Variants in SLC25A48 observed in about 807,000 individuals in gnomAD.
SLC25A48 encodes CTC-321K16.1.
A neutral mutation model predicts 32.2 loss-of-function variants in SLC25A48; 29 were observed. That is an observed-to-expected ratio of 0.90 (90% CI 0.67 to 1.23). The LOEUF is 1.23. SLC25A48 is among the 50% of genes most tolerant of loss of function. The pLI, the probability that SLC25A48 is intolerant of heterozygous loss-of-function variation, is 0.00. For synonymous variants in SLC25A48, 164 were observed against 172.3 expected (o/e 0.95, Z 0.38); for missense variants, 399 against 422.7 (o/e 0.94, Z 0.49).
intron 4 of SLC25A48, among the ~76,000 whole-genome samples, chr5:135,866,743 C>T (rs375040465): frequency 4.6e-4 from 70 of 152,352 alleles, no homozygotes; most frequent in South Asian, 4.1e-3. Context: ...GTGTGCTGGC[C>T]GGGACTGAGC....
chr5:135,801,897 C>A (rs1441930703), intron 3 of SLC25A48, among the ~76,000 whole-genome samples: 2 of 151,704 alleles, frequency 1.3e-5, no homozygotes, highest in African/African-American at 4.8e-5. Context: ...GAAGTGTACA[C>A]CCTCTCTGAT....
intron 3 of SLC25A48, among the ~76,000 whole-genome samples, chr5:135,729,080 C>T (rs1281410509): frequency 6.6e-6 from 1 of 152,106 alleles, no homozygotes; most frequent in Admixed American, 6.6e-5. Flanking sequence ...TTTCCCCATA[C>T]CCCTTCCATG....
At chr5:135,722,945 C>A (rs1754996379) in intron 3 of SLC25A48, among the ~76,000 whole-genome samples, 1 of 152,256 alleles carries the variant, frequency 6.6e-6, no homozygotes, top group Admixed American at 6.5e-5. Context: ...ATGCTGGCTG[C>A]CCATGAGGGG....
At chr5:135,793,354 T>C (rs1191228006) in intron 3 of SLC25A48, among the ~76,000 whole-genome samples, 2 of 151,108 alleles carry the variant, frequency 1.3e-5, no homozygotes, top group Non-Finnish European at 3.0e-5. Flanking sequence ...GTGTACATCA[T>C]GTGTGTACAC....
chr5:135,614,344 A>G (rs1463952537), intron 1 of SLC25A48, among the ~76,000 whole-genome samples: 2 of 152,178 alleles, frequency 1.3e-5, no homozygotes, highest in Admixed American at 1.3e-4. Flanking sequence ...TAGATATAAT[A>G]TCATATTATA....
At chr5:135,731,967 T>A (rs1285671642) in intron 3 of SLC25A48, among the ~76,000 whole-genome samples, 1 of 152,214 alleles carries the variant, frequency 6.6e-6, no homozygotes, top group Non-Finnish European at 1.5e-5. Flanking sequence ...ATAGTAGAGA[T>A]GACAAGTTTT....
chr5:135,678,756 T>C (rs1036754407), intron 3 of SLC25A48, among the ~76,000 whole-genome samples: 7 of 152,218 alleles, frequency 4.6e-5, no homozygotes, highest in Admixed American at 1.3e-4. Flanking sequence ...TCTAGACATA[T>C]GTAGTAGCAT....
At chr5:135,720,188 C>CA (rs1554069316) in intron 3 of SLC25A48, among the ~76,000 whole-genome samples, 1 of 152,232 alleles carries the variant, frequency 6.6e-6, no homozygotes, top group Non-Finnish European at 1.5e-5. Flanking sequence ...GGTTCTCTTC[C>CA]ATCCTGAGTG....
intron 3 of SLC25A48, among the ~76,000 whole-genome samples, chr5:135,707,179 G>A (rs1281976186): frequency 6.6e-6 from 1 of 152,124 alleles, no homozygotes; most frequent in Non-Finnish European, 1.5e-5. Flanking sequence ...CACTTCTGTT[G>A]GGCATGGCCC....
intron 3 of SLC25A48, among the ~76,000 whole-genome samples, chr5:135,670,813 G>T (rs922081800): frequency 2.0e-5 from 3 of 152,140 alleles, no homozygotes; most frequent in Non-Finnish European, 2.9e-5. Flanking sequence ...GTCAGTCTTT[G>T]TTCTCTTCCA....
intron 3 of SLC25A48, among the ~76,000 whole-genome samples, chr5:135,785,717 A>T (rs772816381): frequency 2.9e-5 from 4 of 139,880 alleles, no homozygotes; most frequent in Non-Finnish European, 6.2e-5. Flanking sequence ...CAGAGGGGAG[A>T]GGGAGAGGGT....
chr5:135,747,158 A>G (rs1755661010), intron 3 of SLC25A48, among the ~76,000 whole-genome samples: 2 of 151,978 alleles, frequency 1.3e-5, no homozygotes, highest in Non-Finnish European at 1.5e-5. Flanking sequence ...GGGGTGATGC[A>G]CTGAAAGACC....
chr5:135,768,361 C>T (rs1756305179), intron 3 of SLC25A48, among the ~76,000 whole-genome samples: 1 of 150,792 alleles, frequency 6.6e-6, no homozygotes, highest in African/African-American at 2.4e-5. Flanking sequence ...CCTTGTGATA[C>T]TGTTCACAAT....
At chr5:135,686,717 A>T (rs1177357386) in intron 3 of SLC25A48, among the ~76,000 whole-genome samples, 1 of 152,202 alleles carries the variant, frequency 6.6e-6, no homozygotes, top group Non-Finnish European at 1.5e-5. Context: ...GGACAGCTAG[A>T]TAGAAGAATG....
intron 4 of SLC25A48, among the ~76,000 whole-genome samples, chr5:135,859,080 A>G (rs1200913645): frequency 6.6e-6 from 1 of 152,206 alleles, no homozygotes; most frequent in Non-Finnish European, 1.5e-5. Context: ...TAGGCTAGAG[A>G]TAGAAAACTC....
In SLC25A48 at chr5:135,808,193, ATAT is replaced by A. The variant is rs1221887851; in HGVS notation, c.-520-4326_-520-4324del. ...ATTGTGTTAACACTAGATATTATAA[ATAT>A]TATAGATATTTTATTAACATAGTGT... On this transcript the variant is annotated intron_variant, in intron 3 of 10. Coordinates refer to the SLC25A48 transcript ENST00000646290. Among the ~76,000 whole-genome samples, 3 of 150,474 alleles carry A rather than the reference ATAT, an allele frequency of 2.0e-5. No homozygotes were observed. The East Asian group carries it at 5.8e-4, about 29-fold the overall frequency.
intron 3 of SLC25A48, among the ~76,000 whole-genome samples, chr5:135,765,496 A>C (rs1231850779): frequency 6.6e-6 from 1 of 151,220 alleles, no homozygotes; most frequent in Non-Finnish European, 1.5e-5. Flanking sequence ...TAATATCCAG[A>C]GGGTGAGGGG....
chr5:135,839,744 T>G (rs1758835483), intron 1 of SLC25A48, among the ~76,000 whole-genome samples: 1 of 152,188 alleles, frequency 6.6e-6, no homozygotes, highest in South Asian at 2.1e-4. Context: ...GAGACCCATG[T>G]GTCATGGGAA....
chr5:135,664,396 G>A (rs966251942), intron 3 of SLC25A48, among the ~76,000 whole-genome samples: 2 of 152,164 alleles, frequency 1.3e-5, no homozygotes, highest in African/African-American at 2.4e-5. Flanking sequence ...AGCATGGACC[G>A]ATCTAGAATG....
Sources: gnomAD v4.1 joint callset for allele counts (sites outside exome capture counted in the v4.1 genomes callset) on GRCh38, gnomAD v4.1.1 for gene constraint, MANE v1.5 for transcripts, NCBI Gene and HGNC (gene_info 2026-07-23, HGNC 2026-07-21) for gene names.